GSTA4: variants seen among roughly 807,000 people sequenced by gnomAD.
The protein encoded by GSTA4 is glutathione S-transferase alpha 4.
In GSTA4, 15 loss-of-function variants were observed where a neutral mutation model predicts 24.4. The ratio of observed to expected loss-of-function variants is 0.61; its 90% CI spans 0.41 to 0.95. The LOEUF (loss-of-function observed/expected upper bound fraction) is 0.95. Among genes scored for constraint, GSTA4 ranks in the 40% least tolerant of loss-of-function variants. The pLI is 0.00. For missense variants in GSTA4, 244 were observed against 262.1 expected, an observed-to-expected ratio of 0.93 and a Z score of 0.48; for synonymous variants, 92 against 94.2, an observed-to-expected ratio of 0.98 and a Z score of 0.13.
chr6:52,981,567 G>T (rs901863372), intron 6 of GSTA4, among the ~76,000 whole-genome samples: 9 of 152,172 alleles, frequency 5.9e-5, no homozygotes, highest in African/African-American at 2.2e-4. Context: ...TAATTTTTAT[G>T]TGTCATGAAA....
chr6:52,980,199 CTT>C (rs1763423246), intron 6 of GSTA4, among the ~76,000 whole-genome samples: 1 of 152,108 alleles, frequency 6.6e-6, no homozygotes, highest in African/African-American at 2.4e-5. Flanking sequence ...TTACCCTAGA[CTT>C]TTAAAATCTT....
intron 6 of GSTA4, among the ~76,000 whole-genome samples, chr6:52,981,756 C>G (rs1763455154): frequency 1.3e-5 from 2 of 152,178 alleles, no homozygotes; most frequent in Non-Finnish European, 2.9e-5. Context: ...CCTAAGCCAG[C>G]TTGGCTGCTG....
intron 2 of GSTA4, among the ~76,000 whole-genome samples, chr6:52,990,041 G>T (rs1055479193): frequency 6.6e-6 from 1 of 152,016 alleles, no homozygotes; most frequent in South Asian, 2.1e-4. Flanking sequence ...GCAGGGACAA[G>T]GTGCTCAACT....
chr6:52,987,429 C>A, intron 2 of GSTA4, 21 bp from the exon 3 acceptor site: 1 of 1,250,406 alleles, frequency 8.0e-7, no homozygotes, highest in Non-Finnish European at 1.2e-6. Context: ...AAAAAAGAAA[C>A]GTATATATAC....
chr6:52,985,152 C>T (rs1476943890), intron 4 of GSTA4, among the ~76,000 whole-genome samples: 1 of 152,144 alleles, frequency 6.6e-6, no homozygotes, highest in Non-Finnish European at 1.5e-5. Context: ...ATTCCTAATA[C>T]TTAACAATAG....
intron 4 of GSTA4, among the ~76,000 whole-genome samples, chr6:52,985,117 G>A (rs1052391383): frequency 1.3e-5 from 2 of 152,050 alleles, no homozygotes; most frequent in African/African-American, 2.4e-5. Context: ...ACTCTCCCAG[G>A]CCTTGAATGT....
In GSTA4 at chr6:52,985,512, T is replaced by A. The variant is rs757309119; in HGVS notation, c.211A>T (p.Ile71Phe). Residue 71 changes from isoleucine (I) to phenylalanine (F), a missense_variant, in exon 4 of 7, where the codon ATT (isoleucine) becomes TTT (phenylalanine). Physicochemically the swap from Ile to Phe is conservative, Grantham distance 21. Coordinates refer to ENST00000370963, the MANE Select transcript of GSTA4 (RefSeq NM_001512.4). ...TGCTTGTCTGCTATGTAGTGGAGAA[T>A]GCTTCGGGTCTGTACCAACTTCATC... Reference protein sequence around the residue: ...DGMKLVQTRSILHYIADKHNL... With the variant: ...DGMKLVQTRSFLHYIADKHNL... The A allele has an allele frequency of 6.2e-6, 10 of 1,614,098 alleles. No individual in the cohort carries two copies. The East Asian group carries it at 2.2e-4, about 36-fold the overall frequency.
rs1293530625 is a variant in GSTA4 at position 52,994,017 on chromosome 6, G to A, written c.87+140C>T. On this transcript the variant is annotated intron_variant, in intron 2 of 6. Coordinates refer to ENST00000370963, the MANE Select transcript of GSTA4 (RefSeq NM_001512.4). ...AATTATAAAGAAAAATCCCTTCAGG[G>A]ATGGTATCTGACTCAGTGAAGCGTG... 2.2e-5 allele frequency: 16 copies of A among 721,074 alleles called. No homozygotes were observed. The East Asian group carries it at 3.7e-4, about 16-fold the overall frequency. The allele number at this position is 721,074 out of a possible 1,614,324, so 44.7% of individuals were successfully genotyped here.
chr6:52,990,862 C>T (rs912059636), intron 2 of GSTA4, among the ~76,000 whole-genome samples: 24 of 152,132 alleles, frequency 1.6e-4, no homozygotes, highest in African/African-American at 5.8e-4. Flanking sequence ...CACCCTGAAA[C>T]AAGAGGGCGA....
chr6:52,979,784 TG>T (rs1660410633), intron 6 of GSTA4, among the ~76,000 whole-genome samples: 5 of 152,164 alleles, frequency 3.3e-5, no homozygotes, highest in African/African-American at 9.6e-5. Context: ...ACCCTAATAA[TG>T]ATGCCAATTA....
At chr6:52,991,095 T>C (rs1763651721) in intron 2 of GSTA4, among the ~76,000 whole-genome samples, 1 of 152,232 alleles carries the variant, frequency 6.6e-6, no homozygotes, top group African/African-American at 2.4e-5. Context: ...CAACTCACAT[T>C]TGCATCTTTG....
chr6:52,978,911 G>A (rs556748990), intron 6 of GSTA4, among the ~76,000 whole-genome samples: 75 of 152,160 alleles, frequency 4.9e-4, no homozygotes, highest in African/African-American at 1.3e-3. Flanking sequence ...TGCAGCCCGC[G>A]GGCTGTGGGT....
chr6:52,992,508 T>G (rs979816595), intron 2 of GSTA4, among the ~76,000 whole-genome samples: 1 of 152,216 alleles, frequency 6.6e-6, no homozygotes, highest in African/African-American at 2.4e-5. Context: ...ACCTTAACCA[T>G]GTGATCCAGG....
Position 52,978,562 on chromosome 6 carries a change from T to C in GSTA4, c.577A>G (p.Thr193Ala), listed in dbSNP as rs758858781. 1.6e-5 allele frequency: 26 copies of C among 1,611,192 alleles called. No homozygotes were observed. Among genetic ancestry groups the C allele is most frequent in the Non-Finnish European group, 1.9e-5 (22 of 1,177,812 alleles). ...CCAGGTTCAAGGAATCTCTTAATTG[T>C]AGGGATATTACTTAGTTTCACTGTG... ...EYTVKLSNIPTIKRFLEPGSK... is the reference protein window; with the variant it reads ...EYTVKLSNIPAIKRFLEPGSK... The change falls in exon 7 of 7, where the codon ACA (threonine) becomes GCA (alanine). Residue 193 changes from threonine (T) to alanine (A), a missense_variant. By Grantham distance (58) the Thr-to-Ala change is moderately conservative (BLOSUM62 0). Coordinates refer to ENST00000370963, the MANE Select transcript of GSTA4 (RefSeq NM_001512.4).
In GSTA4 at chr6:52,988,946, G is replaced by A. The variant is rs551239378; in HGVS notation, c.88-1538C>T. On this transcript the variant is annotated intron_variant, in intron 2 of 6. Transcript: ENST00000370963. ...AAATGAGGCTGAGACCTACTGGGGG[G>A]CTGTATTCCCAGACAGTTAAGGCAT... Among the ~76,000 whole-genome samples, 25 of 152,292 alleles carry A rather than the reference G, an allele frequency of 1.6e-4. No individual in the cohort carries two copies. In the South Asian group the frequency reaches 5.2e-3, roughly 32 times the overall value.
At position 52,982,603 on chromosome 6, in the gene GSTA4, T is replaced by G. The variant is rs200325987; in HGVS notation, c.517A>C (p.Asn173His). The change falls in exon 6 of 7, where the codon AAT (asparagine) becomes CAT (histidine). Residue 173 changes from asparagine (N) to histidine (H), a missense_variant. Coordinates refer to ENST00000370963, the MANE Select transcript of GSTA4 (RefSeq NM_001512.4). ...TILALEEKIP[N>H]ILSAFPFLQE... is the part of the protein sequence containing the mutation. ...AGGAAAGGAAATGCAGACAGGATAT[T>G]AGGAATTTTCTCTTCTAGAGCTAAA... 2 of 1,610,614 alleles carry G rather than the reference T, an allele frequency of 1.2e-6. No individual in the cohort carries two copies. Among genetic ancestry groups the G allele is most frequent in the African/African-American group, 1.3e-5 (1 of 74,914 alleles).
At chr6:52,994,552 T>C in intron 1 of GSTA4, 1 of 308,104 alleles carries the variant, frequency 3.2e-6, no homozygotes, top group South Asian at 5.7e-5. Context: ...ATTTCACAAA[T>C]TCAGAATATT....
At chr6:52,983,399 G>A (rs112088708) in intron 5 of GSTA4, among the ~76,000 whole-genome samples, 7 of 152,266 alleles carry the variant, frequency 4.6e-5, no homozygotes, top group African/African-American at 1.7e-4. Context: ...GATGCCCATG[G>A]GTGTCTGCAT....
In GSTA4 at chr6:52,987,370, G is replaced by A. The variant is rs371938703; in HGVS notation, c.126C>T (p.Tyr42=). Reference sequence around the variant, plus strand: ...TTTCATACTCACCATCCTGCAACTTGTACAACTGTTCTTTTGTTTCCAGAA... The same window carrying A: ...TTTCATACTCACCATCCTGCAACTTATACAACTGTTCTTTTGTTTCCAGAA... ...EEFLETKEQL[Y]KLQDGNHLLF... The change falls in exon 3 of 7, where the codon TAC becomes TAT. Residue 42 remains tyrosine (Y), a synonymous_variant. Coordinates refer to ENST00000370963, the MANE Select transcript of GSTA4 (RefSeq NM_001512.4). The A allele has an allele frequency of 6.3e-7, 1 of 1,591,520 alleles. No homozygotes were observed. The highest frequency in any genetic ancestry group is 1.3e-5 in the African/African-American group (1 of 74,392).
Sources: gnomAD v4.1 joint callset for allele counts (sites outside exome capture counted in the v4.1 genomes callset) on GRCh38, gnomAD v4.1.1 for gene constraint, MANE v1.5 for transcripts, NCBI Gene and HGNC (gene_info 2026-07-23, HGNC 2026-07-21) for gene names.